Variants in SMAP2 observed in about 807,000 individuals in gnomAD.
SMAP2 encodes the protein small ArfGAP2.
In SMAP2, 25 loss-of-function variants were observed where a neutral mutation model predicts 56.4. The observed-to-expected ratio is 0.44, with a 90% confidence interval of 0.32 to 0.62. The LOEUF (loss-of-function observed/expected upper bound fraction) is 0.62. Among genes scored for constraint, SMAP2 ranks in the 20% least tolerant of loss-of-function variants. The pLI is 0.04. For synonymous variants in SMAP2, 157 were observed against 181.7 expected (o/e 0.86, Z 1.09); for missense variants, 388 against 545.6 (o/e 0.71, Z 2.88).
intron 9 of SMAP2, among the ~76,000 whole-genome samples, chr1:40,420,694 C>T (rs1341946003): frequency 6.6e-6 from 1 of 152,178 alleles, no homozygotes; most frequent in African/African-American, 2.4e-5. Flanking sequence ...ATATTTTGTA[C>T]TAAGAAAGAC....
chr1:40,374,313 C>A lies in SMAP2; in HGVS notation c.103+90C>A. 9.1e-7 allele frequency: 1 copy of A among 1,093,688 alleles called. No homozygotes were observed. The allele number at this position is 1,093,688 out of a possible 1,614,324, so 67.7% of individuals were successfully genotyped here. Reference sequence around the variant, plus strand: ...GAAGAGGCGGTTTCTGAAGCTTAGGCCGCCCAACTCGGCTTATAAGTGGTA... The same window carrying A: ...GAAGAGGCGGTTTCTGAAGCTTAGGACGCCCAACTCGGCTTATAAGTGGTA... On this transcript the variant is annotated intron_variant, in intron 1 of 9. Coordinates refer to ENST00000372718, the MANE Select transcript of SMAP2 (RefSeq NM_022733.3). This position sits in a 1 kb window ranked among gnomAD's most constrained non-coding sequence, Gnocchi z 5.9.
chr1:40,360,261 C>T (rs1301599350), intron 1 of SMAP2, among the ~76,000 whole-genome samples: 3 of 150,978 alleles, frequency 2.0e-5, no homozygotes, highest in African/African-American at 7.3e-5. Context: ...CTGCCTCGGC[C>T]TCCCAAAGTG....
At chr1:40,418,236 AG>A (rs1484958487) in intron 9 of SMAP2, among the ~76,000 whole-genome samples, 1 of 152,222 alleles carries the variant, frequency 6.6e-6, no homozygotes, top group African/African-American at 2.4e-5. Flanking sequence ...TTGAAGAAAA[AG>A]CCAAAATTTT....
chr1:40,422,067 C>T lies in SMAP2; in HGVS notation c.1256C>T (p.Ala419Val). Residue 419 changes from alanine to valine, a missense_variant, in exon 10 of 10, where the codon GCA (alanine) becomes GTA (valine). By Grantham distance (64) the Ala-to-Val change is moderately conservative. Transcript: ENST00000372718. ...ATGAGTGGCGGAAATGGACAGGCAG[C>T]AAATCAGACTCTCAGTCCTCAGATG... Reference protein sequence around the residue: ...QSMSGGNGQAANQTLSPQMWK With the variant: ...QSMSGGNGQAVNQTLSPQMWK The T allele has an allele frequency of 6.2e-7, 1 of 1,614,174 alleles. No homozygotes were observed. Among genetic ancestry groups the T allele is most frequent in the Non-Finnish European group, 8.5e-7 (1 of 1,180,018 alleles).
rs1425912845 is a variant in SMAP2, at chr1:40,368,258, G to A, written c.55+5822G>A. Among the ~76,000 whole-genome samples, 20 of 141,070 alleles carry A rather than the reference G, an allele frequency of 1.4e-4. No homozygotes were observed. In the South Asian group the frequency reaches 1.5e-3, roughly 10 times the overall value. 92.5% of individuals were successfully genotyped at this position (141,070 alleles called of 152,430 possible). A position where few individuals can be genotyped will look rare whatever the true frequency, so the allele number is the denominator to read the frequency against. On this transcript the variant is annotated intron_variant, in intron 2 of 6. Coordinates refer to the SMAP2 transcript ENST00000435168. ...TCCAGGACTAGATGGATTCACAGCCGAATTCTACCAGAGGTACAAGGAGGA... is the reference window on the plus strand; with the variant it reads ...TCCAGGACTAGATGGATTCACAGCCAAATTCTACCAGAGGTACAAGGAGGA...
intron 2 of SMAP2, among the ~76,000 whole-genome samples, chr1:40,363,541 A>G (rs540071076): frequency 2.6e-5 from 4 of 152,216 alleles, no homozygotes; most frequent in Non-Finnish European, 5.9e-5. Context: ...GCAGAGCAAG[A>G]TGGCCAAAAA....
At chr1:40,372,501 A>T (rs745763737), upstream of SMAP2, among the ~76,000 whole-genome samples, 1 of 152,130 alleles carries the variant, frequency 6.6e-6, no homozygotes, top group Non-Finnish European at 1.5e-5. Flanking sequence ...ACCTACTTGG[A>T]TGGGTTTTCT....
chr1:40,373,851 C>T lies in SMAP2; in HGVS notation c.-270C>T, dbSNP rs1023416035. 2.4e-5 allele frequency: 8 copies of T among 332,506 alleles called. No homozygotes were observed. The South Asian group carries it at 2.8e-4, about 12-fold the overall frequency. 20.6% of individuals were successfully genotyped at this position (332,506 alleles called of 1,614,324 possible). A position where few individuals can be genotyped will look rare whatever the true frequency, so the allele number is the denominator to read the frequency against. ...CCAGGAGGCTCGTGGTCCGCCTTTG[C>T]CTGGGCTGAGGGTCTCTGGCCCCGC... On this transcript the variant is annotated 5_prime_UTR_variant, in exon 1 of 10. Transcript: ENST00000372718.
At position 40,345,620 on chromosome 1, in the gene SMAP2, C is replaced by T. The variant is rs116468475; in HGVS notation, c.-83+710C>T. Among the ~76,000 whole-genome samples the T allele has an allele frequency of 1.9e-3, 292 of 151,994 alleles. 1 individual carries two copies. Among genetic ancestry groups the T allele is most frequent in the African/African-American group, 6.5e-3 (270 of 41,486 alleles). ...AGGATTACAAGTGTGAGCCATGCAC[C>T]CAACCTTTTATTTTCATTTTTAAAC... On this transcript the variant is annotated intron_variant, in intron 1 of 6. Coordinates refer to the SMAP2 transcript ENST00000435168.
intron 1 of SMAP2, among the ~76,000 whole-genome samples, chr1:40,397,640 T>G (rs371195392): frequency 5.1e-4 from 77 of 152,274 alleles, no homozygotes; most frequent in African/African-American, 1.8e-3. Context: ...TTTGCTAGCA[T>G]TGTGTCAAGT....
chr1:40,420,799 A>G (rs1225643764), intron 9 of SMAP2, among the ~76,000 whole-genome samples: 3 of 152,232 alleles, frequency 2.0e-5, no homozygotes, highest in Non-Finnish European at 4.4e-5. Flanking sequence ...GTATGCTACA[A>G]AATAACTGTC....
intron 1 of SMAP2, among the ~76,000 whole-genome samples, chr1:40,398,158 C>T (rs538786245): frequency 1.3e-5 from 2 of 152,212 alleles, no homozygotes; most frequent in South Asian, 4.1e-4. Context: ...GTTTCATTAT[C>T]CCATTATCCC....
At chr1:40,397,916 T>A (rs890714791) in intron 1 of SMAP2, among the ~76,000 whole-genome samples, 17 of 152,070 alleles carry the variant, frequency 1.1e-4, no homozygotes, top group African/African-American at 4.1e-4. Flanking sequence ...GAGATTTGAG[T>A]GTGCTGCATA....
In SMAP2 at chr1:40,374,072, T is replaced by C; in HGVS notation, c.-49T>C. 2.0e-6 allele frequency: 3 copies of C among 1,464,534 alleles called. No individual in the cohort carries two copies. The South Asian group carries it at 3.5e-5, about 17-fold the overall frequency. The allele number at this position is 1,464,534 out of a possible 1,614,324, so 90.7% of individuals were successfully genotyped here. A position where few individuals can be genotyped will look rare whatever the true frequency, so the allele number is the denominator to read the frequency against. On this transcript the variant is annotated 5_prime_UTR_variant, in exon 1 of 10. Coordinates refer to ENST00000372718, the MANE Select transcript of SMAP2 (RefSeq NM_022733.3). This position sits in a 1 kb window ranked among gnomAD's most constrained non-coding sequence, Gnocchi z 5.9. ...AACCCCGGACTGAGGCAGGGGTCTC[T>C]GGGGGCGAGGAGGGCGCGTCGCCCT...
rs1375695322 is a variant in SMAP2 at position 40,416,891 on chromosome 1, T to C, written c.959T>C (p.Met320Thr). Residue 320 changes from methionine (M) to threonine (T), a missense_variant, in exon 9 of 10, where the codon ATG becomes ACG. Coordinates refer to ENST00000372718, the MANE Select transcript of SMAP2 (RefSeq NM_022733.3). ...MGSMMPPPVG[M>T]VAQPGASGMV... The stretch of plus-strand genomic sequence containing the variant: ...AGCATGATGCCTCCACCAGTAGGCA[T>C]GGTTGCTCAGCCAGGAGCTTCTGGG... The C allele has an allele frequency of 6.2e-7, 1 of 1,614,102 alleles. No homozygotes were observed. The highest frequency in any genetic ancestry group is 8.5e-7 in the Non-Finnish European group (1 of 1,180,032).
chr1:40,355,906 C>T (rs1394427571), intron 1 of SMAP2, among the ~76,000 whole-genome samples: 1 of 152,098 alleles, frequency 6.6e-6, no homozygotes, highest in African/African-American at 2.4e-5. Context: ...CCACTGCACC[C>T]AGCAAATTCT....
At position 40,374,553 on chromosome 1, in the gene SMAP2, T is replaced by C; in HGVS notation, c.103+330T>C. Reference sequence around the variant, plus strand: ...CCAGAGAGAGCTCCCAGCATGTCACTTGCAAAGCTGGGGATGAACTGCATT... The same window carrying C: ...CCAGAGAGAGCTCCCAGCATGTCACCTGCAAAGCTGGGGATGAACTGCATT... On this transcript the variant is annotated intron_variant, in intron 1 of 9. Coordinates refer to ENST00000372718, the MANE Select transcript of SMAP2 (RefSeq NM_022733.3). This position sits in a 1 kb window ranked among gnomAD's most constrained non-coding sequence, Gnocchi z 5.9. The C allele has an allele frequency of 9.1e-7, 1 of 1,104,674 alleles. No homozygotes were observed. The highest frequency in any genetic ancestry group is 2.1e-4 in the Middle Eastern group (1 of 4,816). 68.4% of individuals were successfully genotyped at this position (1,104,674 alleles called of 1,614,324 possible). A position where few individuals can be genotyped will look rare whatever the true frequency, so the allele number is the denominator to read the frequency against.
chr1:40,363,359 A>G (rs74939987), intron 2 of SMAP2, among the ~76,000 whole-genome samples: 2,786 of 152,334 alleles, frequency 0.018, 74 homozygotes, highest in East Asian at 0.088. Flanking sequence ...AGAAACAACT[A>G]TAAGAGTTGA....
Position 40,374,818 on chromosome 1 carries a change from T to C in SMAP2, c.103+595T>C. The C allele has an allele frequency of 1.9e-6, 3 of 1,548,620 alleles. No homozygotes were observed. Among genetic ancestry groups the C allele is most frequent in the Non-Finnish European group, 2.6e-6 (3 of 1,145,872 alleles). ...ACTTTATTCTTCTGGATGTGTGCAGTGGGAAACTGCCTTATGCAGTGACAC... is the reference window on the plus strand; with the variant it reads ...ACTTTATTCTTCTGGATGTGTGCAGCGGGAAACTGCCTTATGCAGTGACAC... On this transcript the variant is annotated intron_variant, in intron 1 of 9. Transcript: ENST00000372718. This position sits in a 1 kb window ranked among gnomAD's most constrained non-coding sequence, Gnocchi z 5.9.
Sources: allele counts gnomAD v4.1 joint callset (sites outside exome capture counted in the v4.1 genomes callset), GRCh38; gene constraint gnomAD v4.1.1; non-coding constraint Gnocchi (gnomAD v3.1); transcripts MANE v1.5; gene names NCBI Gene and HGNC (gene_info 2026-07-23, HGNC 2026-07-21).